MYO1D: variants seen among roughly 807,000 people sequenced by gnomAD.
The protein encoded by MYO1D is unconventional myosin-Id.
In MYO1D, 83 loss-of-function variants were observed where a neutral mutation model predicts 122.0. That is an observed-to-expected ratio of 0.68 (90% CI 0.57 to 0.82). MYO1D has a LOEUF of 0.82. Among genes scored for constraint, MYO1D ranks in the 40% least tolerant of loss-of-function variants. The pLI, the probability that MYO1D is intolerant of heterozygous loss-of-function variation, is 0.00. For missense variants in MYO1D, 1,157 were observed against 1,269.5 expected (o/e 0.91, Z 1.35); for synonymous variants, 464 against 446.9 (o/e 1.04, Z -0.48).
intron 21 of MYO1D, among the ~76,000 whole-genome samples, chr17:32,561,703 A>G (rs1312862918): frequency 1.2e-5 from 1 of 83,038 alleles, no homozygotes; most frequent in Non-Finnish European, 2.2e-5. Flanking sequence ...AAAAAAAAAA[A>G]AAAAGAAAAC....
chr17:32,536,393 A>C (rs1217569799), intron 21 of MYO1D, among the ~76,000 whole-genome samples: 1 of 152,212 alleles, frequency 6.6e-6, no homozygotes, highest in Non-Finnish European at 1.5e-5. Flanking sequence ...ACCTATATTA[A>C]ATCACAAGTC....
chr17:32,617,328 T>C (rs1209740088), intron 20 of MYO1D, among the ~76,000 whole-genome samples: 1 of 152,182 alleles, frequency 6.6e-6, no homozygotes, highest in Admixed American at 6.5e-5. Flanking sequence ...GTCACCTCAG[T>C]GAACATGCCT....
intron 14 of MYO1D, among the ~76,000 whole-genome samples, chr17:32,737,475 C>G (rs1323768490): frequency 6.6e-6 from 1 of 152,058 alleles, no homozygotes; most frequent in Non-Finnish European, 1.5e-5. Context: ...ATCCTCCCAC[C>G]TTAGCCTCCA....
intron 20 of MYO1D, among the ~76,000 whole-genome samples, chr17:32,624,476 C>G (rs2087899643): frequency 6.6e-6 from 1 of 152,094 alleles, no homozygotes; most frequent in Admixed American, 6.5e-5. Flanking sequence ...TAATGTGCAG[C>G]TAAAGTTGAG....
At chr17:32,509,208 T>A (rs1202570949) in intron 21 of MYO1D, among the ~76,000 whole-genome samples, 1 of 152,184 alleles carries the variant, frequency 6.6e-6, no homozygotes, top group Non-Finnish European at 1.5e-5. Context: ...GCTGTTTATG[T>A]GTCAAGTGTG....
At chr17:32,673,808 G>A (rs960784248) in intron 16 of MYO1D, among the ~76,000 whole-genome samples, 5 of 152,338 alleles carry the variant, frequency 3.3e-5, no homozygotes, top group Non-Finnish European at 7.3e-5. Context: ...GTTCTTAATT[G>A]TTTTGGGGTA....
At chr17:32,665,901 G>A (rs941791901) in intron 16 of MYO1D, among the ~76,000 whole-genome samples, 2 of 152,116 alleles carry the variant, frequency 1.3e-5, no homozygotes, top group African/African-American at 4.8e-5. Flanking sequence ...AATCCTCAGA[G>A]TGAAGGGGTC....
Position 32,710,438 on chromosome 17 carries a change from G to A in MYO1D, c.2121+1550C>T, listed in dbSNP as rs532575370. ...CCTATATAAAACCATGTATGAAGGTGGATTCTAAATGAATTAAAGACCTAA... is the reference window on the plus strand; with the variant it reads ...CCTATATAAAACCATGTATGAAGGTAGATTCTAAATGAATTAAAGACCTAA... On this transcript the variant is annotated intron_variant, in intron 16 of 21. Coordinates refer to ENST00000318217, the MANE Select transcript of MYO1D (RefSeq NM_015194.3). 9.9e-5 allele frequency among the ~76,000 whole-genome samples: 15 copies of A among 152,034 alleles called. No individual in the cohort carries two copies. The East Asian group carries it at 2.9e-3, about 29-fold the overall frequency.
chr17:32,617,180 A>G (rs990775075), intron 20 of MYO1D, among the ~76,000 whole-genome samples: 8 of 152,126 alleles, frequency 5.3e-5, no homozygotes, highest in Admixed American at 3.3e-4. Flanking sequence ...CTGTCTCAAA[A>G]AAAGTTAATA....
rs115077614 is a variant in MYO1D, at chr17:32,702,033, A to G, written c.2121+9955T>C. 1.6e-3 allele frequency among the ~76,000 whole-genome samples: 246 copies of G among 152,340 alleles called. 1 individual carries two copies. Among genetic ancestry groups the G allele is most frequent in the African/African-American group, 5.4e-3 (224 of 41,566 alleles). On this transcript the variant is annotated intron_variant, in intron 16 of 21. Coordinates refer to ENST00000318217, the MANE Select transcript of MYO1D (RefSeq NM_015194.3). ...CTGTCTAACATCATTGCTTAAGGAAAGCTCACAAGCAGGCTACACAGCAGC... is the reference window on the plus strand; with the variant it reads ...CTGTCTAACATCATTGCTTAAGGAAGGCTCACAAGCAGGCTACACAGCAGC...
intron 21 of MYO1D, chr17:32,505,594 ACACCAGAAGAAGTCTGC>A (rs1909478453): frequency 6.6e-6 from 1 of 152,144 alleles, no homozygotes; most frequent in South Asian, 2.1e-4. Flanking sequence ...TGTGAACAGG[ACACCAGAAGAAGTCTGC>A]CTTCCAGCCT....
chr17:32,764,170 C>T (rs1038320379), intron 8 of MYO1D, among the ~76,000 whole-genome samples: 1 of 151,968 alleles, frequency 6.6e-6, no homozygotes, highest in African/African-American at 2.4e-5. Flanking sequence ...AAGCCAGGCA[C>T]AAAAAGACAA....
chr17:32,772,345 T>A (rs573974149), intron 5 of MYO1D, among the ~76,000 whole-genome samples: 4 of 152,354 alleles, frequency 2.6e-5, no homozygotes, highest in Admixed American at 1.3e-4. Context: ...ATTGTTTTTT[T>A]AAAAGTAATC....
intron 1 of MYO1D, among the ~76,000 whole-genome samples, chr17:32,865,513 T>C (rs2091116187): frequency 6.6e-6 from 1 of 152,216 alleles, no homozygotes; most frequent in South Asian, 2.1e-4. Context: ...GAAAGCTGTG[T>C]TTGTTCCTTG....
At chr17:32,774,268 T>C (rs2090152593) in intron 4 of MYO1D, among the ~76,000 whole-genome samples, 1 of 152,260 alleles carries the variant, frequency 6.6e-6, no homozygotes, top group South Asian at 2.1e-4. Context: ...CCATGGATTG[T>C]ATACTCATCT....
At chr17:32,683,747 G>C (rs1465362857) in intron 16 of MYO1D, among the ~76,000 whole-genome samples, 1 of 152,174 alleles carries the variant, frequency 6.6e-6, no homozygotes, top group Non-Finnish European at 1.5e-5. Flanking sequence ...ACAGTGGCAG[G>C]CAGGCCTCCT....
rs189431523 is a variant in MYO1D, at chr17:32,534,881, C to A, written c.2865-39966G>T. Among the ~76,000 whole-genome samples the A allele has an allele frequency of 5.6e-4, 85 of 152,354 alleles. 1 individual carries two copies. The East Asian group carries it at 8.5e-3, about 15-fold the overall frequency. ...TTAAATAAATCTTAAAAACCCCCAG[C>A]TGCTGTGCTTCAGTCAACAGGGAAC... On this transcript the variant is annotated intron_variant, in intron 21 of 21. Coordinates refer to ENST00000318217, the MANE Select transcript of MYO1D (RefSeq NM_015194.3).
At chr17:32,565,723 A>AGT (rs150640803) in intron 21 of MYO1D, among the ~76,000 whole-genome samples, 3 of 127,220 alleles carry the variant, frequency 2.4e-5, no homozygotes, top group Non-Finnish European at 3.7e-5. Flanking sequence ...CCTGTTTCAG[A>AGT]GTGTGTGTGT....
intron 1 of MYO1D, among the ~76,000 whole-genome samples, chr17:32,844,795 C>T (rs1246527379): frequency 6.6e-6 from 1 of 152,012 alleles, no homozygotes; most frequent in Non-Finnish European, 1.5e-5. Context: ...TGTGCATGTA[C>T]CATATAATAA....
Sources: gnomAD v4.1 joint callset for allele counts (sites outside exome capture counted in the v4.1 genomes callset) on GRCh38, gnomAD v4.1.1 for gene constraint, MANE v1.5 for transcripts, NCBI Gene and HGNC (gene_info 2026-07-23, HGNC 2026-07-21) for gene names.